The following KCNN2 variants were observed in gnomAD, a reference collection of about 807,000 sequenced individuals.
The protein encoded by KCNN2 is potassium calcium-activated channel subfamily N member 2.
KCNN2 carries 24 observed loss-of-function variants against 55.5 expected under a neutral mutation model. The observed-to-expected ratio is 0.43, with a 90% CI of 0.31 to 0.61. The LOEUF (loss-of-function observed/expected upper bound fraction) is 0.61, where lower values mean the gene tolerates loss of function less well. Among genes scored for constraint, KCNN2 ranks in the 20% least tolerant of loss-of-function variants. The pLI is 0.08. For synonymous variants in KCNN2, 431 were observed against 336.1 expected, an observed-to-expected ratio of 1.28 and a Z score of -3.09; for missense variants, 754 against 853.6, an observed-to-expected ratio of 0.88 and a Z score of 1.45.
intron 2 of KCNN2, among the ~76,000 whole-genome samples, chr5:114,275,792 T>C (rs1490008514): frequency 1.3e-5 from 2 of 152,144 alleles, no homozygotes; most frequent in Non-Finnish European, 2.9e-5. Context: ...CCTGGATTCA[T>C]TGATTTTTTG....
intron 1 of KCNN2, among the ~76,000 whole-genome samples, chr5:114,207,140 C>G (rs893037771): frequency 1.3e-5 from 2 of 152,082 alleles, no homozygotes; most frequent in Non-Finnish European, 2.9e-5. Context: ...GTGATGAACT[C>G]CCTAATGACT....
intron 6 of KCNN2, among the ~76,000 whole-genome samples, chr5:114,489,331 T>C (rs529039612): frequency 6.6e-6 from 1 of 152,282 alleles, no homozygotes; most frequent in East Asian, 1.9e-4. Context: ...GTTTAAAAAC[T>C]GTCCCTAAGC....
chr5:114,073,059 T>A (rs909986892), intron 1 of KCNN2, among the ~76,000 whole-genome samples: 1 of 152,216 alleles, frequency 6.6e-6, no homozygotes, highest in Non-Finnish European at 1.5e-5. Flanking sequence ...TTTATATGGA[T>A]TGGCTCTGAT....
intron 2 of KCNN2, among the ~76,000 whole-genome samples, chr5:114,312,420 CACACACACACACACATATATATATAT>C (rs1197058368): frequency 0.079 from 5,170 of 65,480 alleles, 113 homozygotes; most frequent in Non-Finnish European, 0.096. Context: ...CACACACACA[CACACACACACACACATATATATATAT>C]ATATATATAT....
chr5:114,173,705 A>C (rs944279611), intron 1 of KCNN2, among the ~76,000 whole-genome samples: 20 of 151,266 alleles, frequency 1.3e-4, no homozygotes, highest in African/African-American at 4.9e-4. Flanking sequence ...TAAATCCTTT[A>C]GTTCTTTTGT....
At chr5:114,216,588 TC>T (rs1754005510) in intron 1 of KCNN2, among the ~76,000 whole-genome samples, 1 of 152,080 alleles carries the variant, frequency 6.6e-6, no homozygotes, top group African/African-American at 2.4e-5. Flanking sequence ...TTTGATAAAA[TC>T]CAATATAAAC....
At chr5:114,295,216 A>G (rs1042129038) in intron 2 of KCNN2, among the ~76,000 whole-genome samples, 1 of 151,954 alleles carries the variant, frequency 6.6e-6, no homozygotes, top group African/African-American at 2.4e-5. Flanking sequence ...GAGAACCGCT[A>G]CTCTCTTCAA....
In KCNN2 at chr5:114,414,935, C is replaced by G. The variant is rs1359349534; in HGVS notation, c.1637+10079C>G. ...TCCAGTTTTAGAACAGTTCCATCAC[C>G]CTCCAAAACTTTCATCATCTCCGTG... On this transcript the variant is annotated intron_variant, in intron 3 of 7. Coordinates refer to ENST00000673685, the MANE Select transcript of KCNN2 (RefSeq NM_021614.4). 2.0e-5 allele frequency among the ~76,000 whole-genome samples: 3 copies of G among 152,104 alleles called. No homozygotes were observed. The East Asian group carries it at 5.8e-4, about 29-fold the overall frequency.
rs1465277634 is a variant in KCNN2, at chr5:114,202,565, G to GTA, written c.-270-18914_-270-18913insAT. On this transcript the variant is annotated intron_variant, in intron 1 of 10. Coordinates refer to the KCNN2 transcript ENST00000512097. ...ATATACATGCCTAATATATATGTGTGTGTATATATATATATATATATTTTT... is the reference window on the plus strand; with the variant it reads ...ATATACATGCCTAATATATATGTGTGTATGTATATATATATATATATATTTTT... Among the ~76,000 whole-genome samples the GTA allele has an allele frequency of 4.4e-3, 403 of 92,006 alleles. 3 individuals carry two copies. Among genetic ancestry groups the GTA allele is most frequent in the African/African-American group, 0.014 (351 of 25,762 alleles). 60.4% of individuals were successfully genotyped at this position (92,006 alleles called of 152,430 possible).
At chr5:114,184,526 A>G (rs1753294476) in intron 1 of KCNN2, among the ~76,000 whole-genome samples, 1 of 152,220 alleles carries the variant, frequency 6.6e-6, no homozygotes, top group East Asian at 1.9e-4. Context: ...ATTATGAGTT[A>G]TACTTTATAA....
At chr5:114,329,502 AT>A (rs1475956885) in intron 2 of KCNN2, among the ~76,000 whole-genome samples, 1 of 152,104 alleles carries the variant, frequency 6.6e-6, no homozygotes, top group Non-Finnish European at 1.5e-5. Flanking sequence ...CAGACTCCAA[AT>A]TCTTCAGCTT....
intron 2 of KCNN2, among the ~76,000 whole-genome samples, chr5:114,331,627 C>G (rs1756822962): frequency 6.6e-6 from 1 of 152,162 alleles, no homozygotes; most frequent in South Asian, 2.1e-4. Context: ...CAAGTACCCT[C>G]AAGTACTTTT....
chr5:114,464,949 A>G (rs1761372625), intron 4 of KCNN2, among the ~76,000 whole-genome samples: 2 of 152,178 alleles, frequency 1.3e-5, no homozygotes, highest in Non-Finnish European at 2.9e-5. Context: ...TAGGAGGCCC[A>G]TAACAAGTCC....
At chr5:114,339,810 C>CAAATAAAT (rs1159506823) in intron 2 of KCNN2, among the ~76,000 whole-genome samples, 24 of 132,286 alleles carry the variant, frequency 1.8e-4, no homozygotes, top group African/African-American at 5.7e-4. Context: ...CACAAACAAA[C>CAAATAAAT]AAACAAATAA....
At chr5:114,201,241 G>A (rs1392338664) in intron 1 of KCNN2, among the ~76,000 whole-genome samples, 1 of 151,940 alleles carries the variant, frequency 6.6e-6, no homozygotes, top group African/African-American at 2.4e-5. Context: ...TGCTTAGGAG[G>A]GCTTGGTCTC....
chr5:114,373,640 T>TTA (rs61356539), intron 2 of KCNN2, among the ~76,000 whole-genome samples: 1,643 of 56,686 alleles, frequency 0.029, 337 homozygotes, highest in South Asian at 0.065. Context: ...TATGAAGATT[T>TTA]TATATATATA....
intron 1 of KCNN2, among the ~76,000 whole-genome samples, chr5:114,173,438 TTGTGTGTGTGTGTGTGTGTGTG>T (rs61630138): frequency 4.0e-4 from 57 of 142,198 alleles, no homozygotes; most frequent in Non-Finnish European, 8.1e-4. Context: ...TTTGTTTTGT[TTGTGTGTGTGTGTGTGTGTGTG>T]TGTGTGTGTG....
intron 2 of KCNN2, among the ~76,000 whole-genome samples, chr5:114,402,652 G>A (rs565207087): frequency 1.8e-4 from 28 of 152,202 alleles, no homozygotes; most frequent in Admixed American, 2.0e-4. Context: ...TGTGGGGAAA[G>A]TGCATGCTGA....
intron 3 of KCNN2, among the ~76,000 whole-genome samples, chr5:114,410,751 A>G (rs1759106327): frequency 6.6e-6 from 1 of 152,124 alleles, no homozygotes; most frequent in African/African-American, 2.4e-5. Context: ...TTGTGATAAT[A>G]TATAATAAAT....
Sources: gnomAD v4.1 joint callset for allele counts (sites outside exome capture counted in the v4.1 genomes callset) on GRCh38, gnomAD v4.1.1 for gene constraint, MANE v1.5 for transcripts, NCBI Gene and HGNC (gene_info 2026-07-23, HGNC 2026-07-21) for gene names.